ZBBX: variants seen among roughly 807,000 people sequenced by gnomAD.
ZBBX encodes the protein zinc finger B-box domain-containing protein 1.
A neutral mutation model predicts 108.5 loss-of-function variants in ZBBX; 101 were observed. The observed-to-expected ratio is 0.93, with a 90% CI of 0.79 to 1.10. ZBBX has a LOEUF of 1.10. ZBBX is among the 50% of genes least tolerant of loss of function. The probability of loss-of-function intolerance (pLI) is 0.00; values close to 1 mark genes in which losing one functional copy is unlikely to be tolerated. For synonymous variants in ZBBX, 356 were observed against 323.4 expected (o/e 1.10, Z -1.08); for missense variants, 1,009 against 941.4 (o/e 1.07, Z -0.94).
chr3:167,287,844 A>G (rs554212886), intron 19 of ZBBX, among the ~76,000 whole-genome samples: 20 of 152,252 alleles, frequency 1.3e-4, no homozygotes, highest in East Asian at 5.8e-4. Context: ...TAAAAATTTT[A>G]TATCTGACAG....
intron 9 of ZBBX, among the ~76,000 whole-genome samples, chr3:167,342,273 C>A (rs537490118): frequency 6.6e-6 from 1 of 151,802 alleles, no homozygotes; most frequent in East Asian, 1.9e-4. Flanking sequence ...GTAGCACCTG[C>A]AAATTACAAA....
At chr3:167,206,892 A>G in the ZBBX span, among the ~76,000 whole-genome samples, 1 of 152,190 alleles carries the variant, frequency 6.6e-6, no homozygotes, top group African/African-American at 2.4e-5. Context: ...GGGAAAGGAC[A>G]GCCTCTTCAA....
In ZBBX at chr3:167,322,101, T is replaced by A. The variant is rs757594629; in HGVS notation, c.983+16A>T. The A allele has an allele frequency of 2.5e-6, 3 of 1,218,074 alleles. No individual in the cohort carries two copies. In the East Asian group the frequency reaches 8.4e-5, roughly 34 times the overall value. The allele number at this position is 1,218,074 out of a possible 1,614,324, so 75.5% of individuals were successfully genotyped here. On this transcript the variant is annotated intron_variant, in intron 12 of 21. Transcript: ENST00000675490. Reference sequence around the variant, plus strand: ...ACTTTCATATTTCCTAATAGTATTATAATTTCAGAAAATACCTCCTGTGTT... The same window carrying A: ...ACTTTCATATTTCCTAATAGTATTAAAATTTCAGAAAATACCTCCTGTGTT...
chr3:167,179,286 G>A, the ZBBX span, among the ~76,000 whole-genome samples: 2 of 152,226 alleles, frequency 1.3e-5, no homozygotes, highest in South Asian at 4.1e-4. Context: ...TGCACCATTT[G>A]GCAAGTTGGG....
chr3:167,204,110 A>G, the ZBBX span, among the ~76,000 whole-genome samples: 8 of 152,112 alleles, frequency 5.3e-5, no homozygotes, highest in Non-Finnish European at 1.2e-4. Flanking sequence ...TCACATGGAA[A>G]ACTTCCAATC....
intron 20 of ZBBX, among the ~76,000 whole-genome samples, chr3:167,251,043 G>A (rs1156562638): frequency 2.6e-5 from 4 of 152,174 alleles, no homozygotes. Flanking sequence ...AGAGCACACC[G>A]ACAGAAACCA....
At chr3:167,182,579 A>G in the ZBBX span, among the ~76,000 whole-genome samples, 1 of 152,148 alleles carries the variant, frequency 6.6e-6, no homozygotes, top group Non-Finnish European at 1.5e-5. Flanking sequence ...TTTTGCATCT[A>G]AACCAGCCCA....
intron 20 of ZBBX, among the ~76,000 whole-genome samples, chr3:167,253,016 T>G (rs1722879178): frequency 6.6e-6 from 1 of 152,230 alleles, no homozygotes; most frequent in Non-Finnish European, 1.5e-5. Flanking sequence ...CTAGGAAGAT[T>G]TATGTTTGAT....
chr3:167,245,184 C>T (rs1363046983), intron 20 of ZBBX, among the ~76,000 whole-genome samples: 1 of 152,028 alleles, frequency 6.6e-6, no homozygotes, highest in Non-Finnish European at 1.5e-5. Context: ...GAGGCCGAGG[C>T]GGGCGGATCA....
At chr3:167,303,007 T>C (rs1732993405) in intron 17 of ZBBX, among the ~76,000 whole-genome samples, 1 of 152,162 alleles carries the variant, frequency 6.6e-6, no homozygotes, top group Non-Finnish European at 1.5e-5. Context: ...TTCAAGGCTG[T>C]TATCTATACA....
chr3:167,180,877 A>G, the ZBBX span, among the ~76,000 whole-genome samples: 5 of 152,234 alleles, frequency 3.3e-5, no homozygotes, highest in Non-Finnish European at 7.3e-5. Flanking sequence ...CATGGGTTGT[A>G]TAACTGAATT....
At chr3:167,243,923 T>C (rs1209419808) in intron 20 of ZBBX, among the ~76,000 whole-genome samples, 1 of 152,108 alleles carries the variant, frequency 6.6e-6, no homozygotes, top group Non-Finnish European at 1.5e-5. Flanking sequence ...GAAATCATGA[T>C]GCATGGGTAC....
chr3:167,226,966 A>G, the ZBBX span, among the ~76,000 whole-genome samples: 2 of 151,748 alleles, frequency 1.3e-5, no homozygotes, highest in East Asian at 1.9e-4. Context: ...GGAAGCCCCA[A>G]TCAGGCAACA....
At chr3:167,401,927 C>A (rs1034494813) in intron 1 of ZBBX, among the ~76,000 whole-genome samples, 1 of 151,954 alleles carries the variant, frequency 6.6e-6, no homozygotes, top group African/African-American at 2.4e-5. Flanking sequence ...GTCAATGAAC[C>A]ATGAAAGGCT....
At chr3:167,258,908 A>T (rs1456646399) in intron 20 of ZBBX, among the ~76,000 whole-genome samples, 1 of 152,170 alleles carries the variant, frequency 6.6e-6, no homozygotes, top group Non-Finnish European at 1.5e-5. Context: ...ATCTATGTTC[A>T]TCAAGGATAT....
chr3:167,348,606 G>T (rs1326538130), intron 9 of ZBBX, among the ~76,000 whole-genome samples: 6 of 151,960 alleles, frequency 3.9e-5, no homozygotes, highest in Non-Finnish European at 8.8e-5. Context: ...CACCTTAATT[G>T]TACACATTTT....
In ZBBX at chr3:167,313,980, AATT is replaced by A; in HGVS notation, c.1408_1410del (p.Asn470del). ...GCAACAAGAAAAATGTTACCTTTTG[AATT>A]ATCTTTATAATAAGTAGAGCTGTTT... is the stretch of plus-strand genomic sequence containing the variant. On this transcript the variant is annotated inframe_deletion, in exon 16 of 22. Coordinates refer to ENST00000675490, the MANE Select transcript of ZBBX (RefSeq NM_001199201.2). 6.3e-7 allele frequency: 1 copy of A among 1,578,244 alleles called. No individual in the cohort carries two copies.
the ZBBX span, among the ~76,000 whole-genome samples, chr3:167,195,833 G>A: frequency 6.6e-6 from 1 of 152,118 alleles, no homozygotes; most frequent in African/African-American, 2.4e-5. Context: ...ACTGTCACAA[G>A]AGTTTACACC....
At chr3:167,215,782 T>A in the ZBBX span, among the ~76,000 whole-genome samples, 411 of 152,238 alleles carry the variant, frequency 2.7e-3, 2 homozygotes, top group African/African-American at 9.7e-3. Context: ...TAATTTACCA[T>A]GATCAAGTAG....
Sources: allele counts gnomAD v4.1 joint callset (sites outside exome capture counted in the v4.1 genomes callset), GRCh38; gene constraint gnomAD v4.1.1; transcripts MANE v1.5; gene names NCBI Gene and HGNC (gene_info 2026-07-23, HGNC 2026-07-21).